The following NGRN variants were observed in gnomAD, a reference collection of about 807,000 sequenced individuals.
The protein encoded by NGRN is neugrin, neurite outgrowth associated, also known as neugrin.
Under a neutral mutation model 13.1 loss-of-function variants are expected in NGRN, and 12 were observed. That is an observed-to-expected ratio of 0.92 (90% CI 0.59 to 1.49). NGRN has a LOEUF of 1.49. Ranked by LOEUF, NGRN falls within the 40% of genes most tolerant of loss-of-function variation. NGRN has a pLI of 0.00. For missense variants in NGRN, 397 were observed against 357.0 expected, an observed-to-expected ratio of 1.11 and a Z score of -0.90; for synonymous variants, 149 against 145.8, an observed-to-expected ratio of 1.02 and a Z score of -0.16.
intron 1 of NGRN, 78 bp from the exon 2 acceptor site, chr15:90,266,210 C>T (rs1963416981): frequency 6.5e-7 from 1 of 1,531,902 alleles, no homozygotes; most frequent in Admixed American, 2.1e-5. Context: ...GCTGGGCGCT[C>T]CATGATTTAG....
At chr15:90,269,189 G>GTTTT (rs1567083100) in intron 2 of NGRN, among the ~76,000 whole-genome samples, 1 of 122,754 alleles carries the variant, frequency 8.1e-6, no homozygotes, top group African/African-American at 3.2e-5. Flanking sequence ...TTTTTTTTTG[G>GTTTT]ATTTTTAGTA....
At chr15:90,266,137 G>GT in intron 1 of NGRN, 151 bp from the exon 2 acceptor site, 7 of 1,451,682 alleles carry the variant, frequency 4.8e-6, no homozygotes, top group Non-Finnish European at 5.4e-6. Context: ...AGCTTTCTGG[G>GT]TGTACGGAGC....
chr15:90,268,255 G>T (rs1174646861), intron 2 of NGRN, among the ~76,000 whole-genome samples: 1 of 151,674 alleles, frequency 6.6e-6, no homozygotes, highest in East Asian at 1.9e-4. Flanking sequence ...CACCCACCTC[G>T]GCCTCCCAAA....
Position 90,265,759 on chromosome 15 carries a change from C to T in NGRN, c.47C>T (p.Ala16Val), listed in dbSNP as rs371219159. ...TTGCTGGGCGGGCGCGTTTGCGCCG[C>T]CGTCACTCGCTGTGGGTTCGCGACC... ...SLLLGGRVCAAVTRCGFATRG... is the reference protein window; with the variant it reads ...SLLLGGRVCAVVTRCGFATRG... The change falls in exon 1 of 3, where the codon GCC (alanine) becomes GTC (valine). Residue 16 changes from alanine to valine, a missense_variant. Coordinates refer to ENST00000379095, the MANE Select transcript of NGRN (RefSeq NM_001033088.3). The T allele has an allele frequency of 2.5e-6, 4 of 1,613,150 alleles. No homozygotes were observed. The African/African-American group carries it at 4.0e-5, about 16-fold the overall frequency.
At position 90,265,701 on chromosome 15, in the gene NGRN, G is replaced by A. The variant is rs780203617; in HGVS notation, c.-12G>A. The A allele has an allele frequency of 2.5e-6, 4 of 1,613,212 alleles. No individual in the cohort carries two copies. In the South Asian group the frequency reaches 4.4e-5, roughly 18 times the overall value. On this transcript the variant is annotated 5_prime_UTR_variant, in exon 1 of 3. Coordinates refer to ENST00000379095, the MANE Select transcript of NGRN (RefSeq NM_001033088.3). ...TTTCGTAGCCGACTGCTGAAGGCTGGTTTGCGTCGACATGGCGGTTACCCT... is the reference window on the plus strand; with the variant it reads ...TTTCGTAGCCGACTGCTGAAGGCTGATTTGCGTCGACATGGCGGTTACCCT...
chr15:90,266,009 G>A (rs1335489969), intron 1 of NGRN, 133 bp downstream of exon 1: 2 of 1,407,448 alleles, frequency 1.4e-6, no homozygotes, highest in Admixed American at 3.3e-5. Flanking sequence ...CCCGTTGTTA[G>A]GGGCGCAGCG....
chr15:90,268,643 T>C (rs1963462208), intron 2 of NGRN, among the ~76,000 whole-genome samples: 1 of 152,114 alleles, frequency 6.6e-6, no homozygotes, highest in African/African-American at 2.4e-5. Context: ...GCCTACCCTT[T>C]GTTTGTTTGT....
chr15:90,269,558 C>G (rs1248367970), intron 2 of NGRN, among the ~76,000 whole-genome samples: 1 of 152,002 alleles, frequency 6.6e-6, no homozygotes, highest in East Asian at 1.9e-4. Context: ...ATTGTTATTT[C>G]ATAGAGTTCT....
In NGRN at chr15:90,265,719, G is replaced by A. The variant is rs775213286; in HGVS notation, c.7G>A (p.Val3Ile). 1.2e-6 allele frequency: 2 copies of A among 1,613,142 alleles called. No homozygotes were observed. Among genetic ancestry groups the A allele is most frequent in the Non-Finnish European group, 8.5e-7 (1 of 1,179,826 alleles). Residue 3 changes from valine (V) to isoleucine (I), a missense_variant, in exon 1 of 3, where the codon GTT becomes ATT. Val to Ile is a conservative substitution (Grantham distance 29). Coordinates refer to ENST00000379095, the MANE Select transcript of NGRN (RefSeq NM_001033088.3). MA[V>I]TLSLLLGGRV... ...AAGGCTGGTTTGCGTCGACATGGCG[G>A]TTACCCTGAGTCTCTTGCTGGGCGG...
At chr15:90,270,215 A>G (rs1963484426) in intron 2 of NGRN, among the ~76,000 whole-genome samples, 1 of 152,174 alleles carries the variant, frequency 6.6e-6, no homozygotes, top group South Asian at 2.1e-4. Flanking sequence ...ATGAAAATTT[A>G]TCTGTGGCAT....
At chr15:90,267,071 G>A (rs1013992477) in intron 2 of NGRN, among the ~76,000 whole-genome samples, 2 of 146,326 alleles carry the variant, frequency 1.4e-5, no homozygotes, top group Admixed American at 7.0e-5. Flanking sequence ...TCACTCTGTC[G>A]CCAAGGCTGG....
In NGRN at chr15:90,271,913, G is replaced by A. The variant is rs897164405; in HGVS notation, c.*125G>A. 7.4e-7 allele frequency: 1 copy of A among 1,343,914 alleles called. No individual in the cohort carries two copies. Among genetic ancestry groups the A allele is most frequent in the African/African-American group, 1.5e-5 (1 of 68,782 alleles). The allele number at this position is 1,343,914 out of a possible 1,614,324, so 83.2% of individuals were successfully genotyped here. ...GGAATAGGAAGAGGTGTTGAGCCTGGACTGTGGGAGGAAAGAGCTGCGTGG... is the reference window on the plus strand; with the variant it reads ...GGAATAGGAAGAGGTGTTGAGCCTGAACTGTGGGAGGAAAGAGCTGCGTGG... On this transcript the variant is annotated 3_prime_UTR_variant, in exon 3 of 3. Coordinates refer to ENST00000379095, the MANE Select transcript of NGRN (RefSeq NM_001033088.3).
intron 2 of NGRN, among the ~76,000 whole-genome samples, chr15:90,268,187 G>C (rs1963456107): frequency 6.6e-6 from 1 of 151,800 alleles, no homozygotes; most frequent in Non-Finnish European, 1.5e-5. Flanking sequence ...ATTTTTAGTA[G>C]AGACAGAGTT....
rs1358640695 is a variant in NGRN at position 90,266,386 on chromosome 15, T to A, written c.263T>A (p.Met88Lys). The stretch of plus-strand genomic sequence containing the variant: ...CCCAGGACCCTGACGTGGGAAGCCA[T>A]GGAGCAGATACGGTGAGACTCAGGA... Reference protein sequence around the residue: ...APPRTLTWEAMEQIRYLHEEF... With the variant: ...APPRTLTWEAKEQIRYLHEEF... The change falls in exon 2 of 3, where the codon ATG becomes AAG. Residue 88 changes from methionine (M) to lysine (K), a missense_variant. By Grantham distance (95) the Met-to-Lys change is moderately conservative. Transcript: ENST00000379095. 6.2e-7 allele frequency: 1 copy of A among 1,613,256 alleles called. No homozygotes were observed. The highest frequency in any genetic ancestry group is 1.3e-5 in the African/African-American group (1 of 74,904).
intron 2 of NGRN, among the ~76,000 whole-genome samples, chr15:90,269,222 C>A (rs1963472934): frequency 7.2e-6 from 1 of 138,560 alleles, no homozygotes. Context: ...AGCGTGTTGG[C>A]CAGGCTGGTC....
At chr15:90,271,079 A>G in intron 2 of NGRN, 109 bp from the exon 3 acceptor site, 1 of 1,286,400 alleles carries the variant, frequency 7.8e-7, no homozygotes, top group African/African-American at 1.5e-5. Context: ...TACAGGTGTG[A>G]GCCACCATGC....
intron 2 of NGRN, among the ~76,000 whole-genome samples, chr15:90,267,169 C>A (rs1312090044): frequency 2.0e-5 from 3 of 151,914 alleles, no homozygotes; most frequent in Non-Finnish European, 4.4e-5. Context: ...GTAGCTGGGA[C>A]TACAGGTGCA....
At chr15:90,267,793 A>T (rs1963450651) in intron 2 of NGRN, among the ~76,000 whole-genome samples, 1 of 152,234 alleles carries the variant, frequency 6.6e-6, no homozygotes, top group South Asian at 2.1e-4. Flanking sequence ...TCCCAGAAGT[A>T]AGGTTGCCAG....
At chr15:90,265,947 T>A (rs1252067588) in intron 1 of NGRN, 71 bp downstream of exon 1, 3 of 1,430,918 alleles carry the variant, frequency 2.1e-6, no homozygotes, top group Non-Finnish European at 2.7e-6. Flanking sequence ...CCGCGCCCCC[T>A]TGGCGCCGGG....
Sources: allele counts gnomAD v4.1 joint callset (sites outside exome capture counted in the v4.1 genomes callset), GRCh38; gene constraint gnomAD v4.1.1; transcripts MANE v1.5; gene names NCBI Gene and HGNC (gene_info 2026-07-23, HGNC 2026-07-21).